PRKCB: variants seen among roughly 807,000 people sequenced by gnomAD.
PRKCB encodes the protein protein kinase C beta.
PRKCB carries 13 observed loss-of-function variants against 81.5 expected under a neutral mutation model. That is an observed-to-expected ratio of 0.16 (90% CI 0.10 to 0.25). PRKCB has a LOEUF of 0.25. Ranked by LOEUF, PRKCB falls within the 10% of genes least tolerant of loss-of-function variation. PRKCB has a pLI of 1.00. For missense variants in PRKCB, 509 were observed against 875.7 expected (o/e 0.58, Z 5.29); for synonymous variants, 335 against 321.4 (o/e 1.04, Z -0.45).
chr16:23,860,628 G>C (rs1340152461), intron 2 of PRKCB, among the ~76,000 whole-genome samples: 1 of 152,058 alleles, frequency 6.6e-6, no homozygotes, highest in Non-Finnish European at 1.5e-5. Context: ...GCTCACACCT[G>C]TAATCCCAGC....
intron 9 of PRKCB, among the ~76,000 whole-genome samples, chr16:24,132,806 G>A (rs1966855437): frequency 6.8e-6 from 1 of 147,094 alleles, no homozygotes; most frequent in African/African-American, 2.6e-5. Context: ...CTAGAGACAG[G>A]GTCTCACTCT....
intron 2 of PRKCB, among the ~76,000 whole-genome samples, chr16:23,936,830 C>T (rs1964066829): frequency 6.6e-6 from 1 of 152,036 alleles, no homozygotes; most frequent in Non-Finnish European, 1.5e-5. Flanking sequence ...CAAACAATGC[C>T]ATTAAGAATA....
chr16:24,034,398 C>T (rs1213091516), intron 4 of PRKCB, among the ~76,000 whole-genome samples: 27 of 152,208 alleles, frequency 1.8e-4, no homozygotes, highest in South Asian at 2.1e-4. Context: ...CTGGAACTAG[C>T]GTCCCCCTGG....
intron 2 of PRKCB, among the ~76,000 whole-genome samples, chr16:23,890,582 T>C (rs894387585): frequency 4.6e-5 from 7 of 152,194 alleles, no homozygotes; most frequent in African/African-American, 1.7e-4. Context: ...CTCCCAGTCA[T>C]GGGCAAGAGG....
chr16:24,183,802 G>C (rs747470734), intron 13 of PRKCB, among the ~76,000 whole-genome samples: 57 of 152,180 alleles, frequency 3.7e-4, no homozygotes, highest in Admixed American at 1.4e-3. Flanking sequence ...TCAGCCTTTA[G>C]CCTTTGCTGT....
At chr16:24,054,569 G>A (rs1482492972) in intron 5 of PRKCB, among the ~76,000 whole-genome samples, 1 of 152,114 alleles carries the variant, frequency 6.6e-6, no homozygotes, top group African/African-American at 2.4e-5. Context: ...AGGGATACTG[G>A]GGAAACCTGT....
At chr16:24,040,455 C>T (rs755948227) in intron 5 of PRKCB, among the ~76,000 whole-genome samples, 3 of 152,180 alleles carry the variant, frequency 2.0e-5, no homozygotes, top group Non-Finnish European at 4.4e-5. Flanking sequence ...TCCAACTTCC[C>T]CCTTTCGTAG....
chr16:24,042,093 G>C (rs76305646), intron 5 of PRKCB, among the ~76,000 whole-genome samples: 23 of 151,990 alleles, frequency 1.5e-4, no homozygotes, highest in Non-Finnish European at 3.1e-4. Context: ...GAACTTTGGT[G>C]GGGGGGTACG....
At chr16:24,047,942 G>T (rs1965789051) in intron 5 of PRKCB, among the ~76,000 whole-genome samples, 1 of 152,194 alleles carries the variant, frequency 6.6e-6, no homozygotes, top group African/African-American at 2.4e-5. Context: ...CCTGGAGAAG[G>T]CAGGAGAGGC....
At chr16:24,136,305 T>A (rs1966864640) in intron 9 of PRKCB, among the ~76,000 whole-genome samples, 1 of 152,138 alleles carries the variant, frequency 6.6e-6, no homozygotes, top group African/African-American at 2.4e-5. Context: ...AAATGAAATG[T>A]CAGGAATTTA....
chr16:23,943,680 T>C (rs990804896), intron 2 of PRKCB, among the ~76,000 whole-genome samples: 2 of 152,200 alleles, frequency 1.3e-5, no homozygotes, highest in African/African-American at 2.4e-5. Flanking sequence ...GTAGGAAAAA[T>C]GGTTGAGTCG....
At chr16:24,166,717 T>C (rs1040233832) in intron 10 of PRKCB, among the ~76,000 whole-genome samples, 3 of 152,132 alleles carry the variant, frequency 2.0e-5, no homozygotes, top group African/African-American at 7.2e-5. Context: ...TCTCTGGCAA[T>C]AGAGTTGCTC....
At chr16:23,876,810 T>C (rs1446112463) in intron 2 of PRKCB, among the ~76,000 whole-genome samples, 1 of 152,208 alleles carries the variant, frequency 6.6e-6, no homozygotes, top group Non-Finnish European at 1.5e-5. Context: ...AAAACAATGT[T>C]CAGCTGGAGA....
chr16:24,207,403 G>A (rs925732842), intron 16 of PRKCB, among the ~76,000 whole-genome samples: 1 of 151,938 alleles, frequency 6.6e-6, no homozygotes, highest in African/African-American at 2.4e-5. Context: ...AAGCATAAAG[G>A]GGAAAAGGAA....
intron 2 of PRKCB, among the ~76,000 whole-genome samples, chr16:23,887,549 A>G (rs1251508892): frequency 6.6e-6 from 1 of 152,160 alleles, no homozygotes; most frequent in African/African-American, 2.4e-5. Flanking sequence ...ATGGCTGTGT[A>G]GTATTCCATA....
chr16:23,843,305 T>C (rs1962298232), intron 2 of PRKCB, among the ~76,000 whole-genome samples: 1 of 152,158 alleles, frequency 6.6e-6, no homozygotes, highest in Non-Finnish European at 1.5e-5. Context: ...CTTCTCTTTC[T>C]TCCCAGAAGC....
At chr16:24,103,524 A>T (rs1966536097) in intron 7 of PRKCB, among the ~76,000 whole-genome samples, 1 of 152,166 alleles carries the variant, frequency 6.6e-6, no homozygotes. Context: ...CTATTCGTAG[A>T]GTATACTTTT....
intron 3 of PRKCB, among the ~76,000 whole-genome samples, chr16:24,007,202 G>A (rs1965137748): frequency 6.6e-6 from 1 of 152,190 alleles, no homozygotes; most frequent in African/African-American, 2.4e-5. Flanking sequence ...GGGTCCACGT[G>A]AGGATTAAAT....
rs147272891 is a variant in PRKCB at position 24,116,818 on chromosome 16, A to G, written c.918+3749A>G. ...TATTACGGGTGAAAAACACAAGGCC[A>G]GTATTTTCTTGTATATAACCAAGTC... is the stretch of plus-strand genomic sequence containing the variant. On this transcript the variant is annotated intron_variant, in intron 8 of 16. Transcript: ENST00000643927. Among the ~76,000 whole-genome samples, 553 of 152,342 alleles carry G rather than the reference A, an allele frequency of 3.6e-3. 1 individual carries two copies. The highest frequency in any genetic ancestry group is 0.012 in the African/African-American group (517 of 41,586).
Sources: allele counts gnomAD v4.1 joint callset (sites outside exome capture counted in the v4.1 genomes callset), GRCh38; gene constraint gnomAD v4.1.1; transcripts MANE v1.5; gene names NCBI Gene and HGNC (gene_info 2026-07-23, HGNC 2026-07-21).